Variants in KIFC1 observed in about 807,000 individuals in gnomAD.
The protein encoded by KIFC1 is kinesin-like protein KIFC1.
A neutral mutation model predicts 66.6 loss-of-function variants in KIFC1; 37 were observed. The observed-to-expected ratio is 0.56, with a 90% CI of 0.43 to 0.73. KIFC1 has a LOEUF of 0.73. Ranked by LOEUF, KIFC1 falls within the 30% of genes least tolerant of loss-of-function variation. The pLI is 0.00. For missense variants in KIFC1, 721 were observed against 859.8 expected (o/e 0.84, Z 2.02); for synonymous variants, 325 against 343.5 (o/e 0.95, Z 0.60).
Position 33,406,491 on chromosome 6 carries a change from GA to G in KIFC1, c.1827+7del. 3.1e-6 allele frequency: 5 copies of G among 1,601,790 alleles called. 1 individual carries two copies. In the South Asian group the frequency reaches 5.6e-5, roughly 18 times the overall value. The stretch of plus-strand genomic sequence containing the variant: ...ATCATGGCCCTGAGCAACAAGGTGG[GA>G]ATGGGAGTGGGGTGAGATACGGGAC... On this transcript the variant is annotated splice_donor_region_variant and intron_variant, in intron 8 of 10. Transcript: ENST00000428849. This position sits in a 1 kb window ranked among gnomAD's most constrained non-coding sequence, Gnocchi z 4.5.
rs2151092535 is a variant in KIFC1 at position 33,405,520 on chromosome 6, T to C, written c.1425T>C (p.Thr475=). The part of the protein sequence containing the change: ...YNETVRDLLA[T]GTRKGQGGEC... ...AGACTGTCCGGGACCTGCTGGCCACTGGAACCCGGAAGGGTCAAGGGGGCG... is the reference window on the plus strand; with the variant it reads ...AGACTGTCCGGGACCTGCTGGCCACCGGAACCCGGAAGGGTCAAGGGGGCG... Residue 475 remains threonine (T), a synonymous_variant, in exon 7 of 11, where the codon ACT becomes ACC. Coordinates refer to ENST00000428849, the MANE Select transcript of KIFC1 (RefSeq NM_002263.4). The surrounding 1 kb of genome is among the most constrained non-coding windows in gnomAD (Gnocchi z 5.4). 6.2e-7 allele frequency: 1 copy of C among 1,612,180 alleles called. No homozygotes were observed. The highest frequency in any genetic ancestry group is 2.2e-5 in the East Asian group (1 of 44,860).
Position 33,399,541 on chromosome 6 carries a change from C to G in KIFC1, c.250+1154C>G, listed in dbSNP as rs1775271830. 2.0e-5 allele frequency among the ~76,000 whole-genome samples: 3 copies of G among 152,194 alleles called. No homozygotes were observed. The South Asian group carries it at 6.2e-4, about 31-fold the overall frequency. ...ACTTACTGAAACCTAGATGATCTAG[C>G]CTGCTACACACCTAGGCTATCTGCG... On this transcript the variant is annotated intron_variant, in intron 3 of 10. Coordinates refer to ENST00000428849, the MANE Select transcript of KIFC1 (RefSeq NM_002263.4).
intron 10 of KIFC1, among the ~76,000 whole-genome samples, chr6:33,408,206 C>T (rs1174533950): frequency 6.6e-6 from 1 of 152,204 alleles, no homozygotes; most frequent in Non-Finnish European, 1.5e-5. Context: ...TTGTTCAAAT[C>T]AGGATCCAGG....
At position 33,391,939 on chromosome 6, in the gene KIFC1, G is replaced by T. The variant is rs465223; in HGVS notation, c.-47G>T. 183 of 1,612,446 alleles carry T rather than the reference G, an allele frequency of 1.1e-4. No individual in the cohort carries two copies. Among genetic ancestry groups the T allele is most frequent in the Non-Finnish European group, 1.5e-4 (181 of 1,179,080 alleles). On this transcript the variant is annotated 5_prime_UTR_variant, in exon 1 of 11. Transcript: ENST00000428849. ...CGAGTCCCAGGATCCCCGGCACCCA[G>T]TTCTCTTCCACTGCATTCCCCCGGC...
At chr6:33,398,004 T>C (rs1451938883) in intron 1 of KIFC1, 25 bp from the exon 2 acceptor site, 1 of 1,613,338 alleles carries the variant, frequency 6.2e-7, no homozygotes, top group Admixed American at 1.7e-5. Flanking sequence ...CTGGGTATTG[T>C]CTTAAGGGTC....
chr6:33,403,340 C>G lies in KIFC1; in HGVS notation c.277C>G (p.Pro93Ala), dbSNP rs372839052. ...TAQKVSKKTG[P>A]RCSTAIATGL... ...TCAAAAAGTTTCCAAGAAGACAGGA[C>G]CCCGGTGTTCCACAGCTATTGCCAC... Residue 93 changes from proline (P) to alanine (A), a missense_variant, in exon 4 of 11, where the codon CCC becomes GCC. Coordinates refer to ENST00000428849, the MANE Select transcript of KIFC1 (RefSeq NM_002263.4). This position sits in a 1 kb window ranked among gnomAD's most constrained non-coding sequence, Gnocchi z 4.6. The G allele has an allele frequency of 5.0e-6, 8 of 1,613,710 alleles. No individual in the cohort carries two copies. The African/African-American group carries it at 1.1e-4, about 22-fold the overall frequency.
In KIFC1 at chr6:33,398,037, C is replaced by A. The variant is rs1358338474; in HGVS notation, c.21C>A (p.Pro7=). 5.6e-6 allele frequency: 9 copies of A among 1,613,992 alleles called. No individual in the cohort carries two copies. The highest frequency in any genetic ancestry group is 3.3e-5 in the South Asian group (3 of 91,078). ...GTCTCTTTTCCCAACAGAGGTCCCC[C>A]CTATTGGAAGTAAAGGGGAACATAG... MDPQRS[P]LLEVKGNIEL... Residue 7 remains proline, a synonymous_variant, in exon 2 of 11, where the codon CCC becomes CCA. Transcript: ENST00000428849.
In KIFC1 at chr6:33,403,862, G is replaced by A; in HGVS notation, c.489G>A (p.Glu163=). ...AGAGGACTCAAACGTTGGACCAAGA[G>A]AACCAGCAGCTTCAGGACCAGCTCA... ...CRERTQTLDQ[E]NQQLQDQLRD... The change falls in exon 6 of 11, where the codon GAG becomes GAA. Residue 163 remains glutamate (E), a synonymous_variant. Transcript: ENST00000428849. The surrounding 1 kb of genome is among the most constrained non-coding windows in gnomAD (Gnocchi z 4.6). 1 of 1,614,254 alleles carries A rather than the reference G, an allele frequency of 6.2e-7. No homozygotes were observed.
At position 33,404,873 on chromosome 6, in the gene KIFC1, G is replaced by T; in HGVS notation, c.778G>T (p.Ala260Ser). Residue 260 changes from alanine (A) to serine (S), a missense_variant, in exon 7 of 11, where the codon GCA becomes TCA. By Grantham distance (99) the Ala-to-Ser change is moderately conservative. Coordinates refer to ENST00000428849, the MANE Select transcript of KIFC1 (RefSeq NM_002263.4). This position sits in a 1 kb window ranked among gnomAD's most constrained non-coding sequence, Gnocchi z 4.0. ...GCAGAGGAGGCTGCAGACATCAGAA[G>T]CAGCCCTGTCAAGCAGCCAAGCAGA... Reference protein sequence around the residue: ...EKERRLQTSEAALSSSQAEVA... With the variant: ...EKERRLQTSESALSSSQAEVA... The T allele has an allele frequency of 6.2e-7, 1 of 1,611,864 alleles. No homozygotes were observed. Among genetic ancestry groups the T allele is most frequent in the Non-Finnish European group, 8.5e-7 (1 of 1,178,650 alleles).
chr6:33,399,202 A>G (rs548854576), intron 3 of KIFC1, among the ~76,000 whole-genome samples: 6 of 152,294 alleles, frequency 3.9e-5, no homozygotes, highest in African/African-American at 7.2e-5. Flanking sequence ...AGCCTGGCCA[A>G]TATGGTTGAA....
Position 33,406,334 on chromosome 6 carries a change from G to A in KIFC1, c.1675G>A (p.Ala559Thr). ...EHSSRGLQCG[A>T]PLSLVDLAGS... is the part of the protein sequence containing the mutation. The stretch of plus-strand genomic sequence containing the variant: ...CTCCAGCCGAGGCCTGCAGTGTGGG[G>A]CCCCCCTCAGTCTTGTGGACCTGGC... The change falls in exon 8 of 11, where the codon GCC becomes ACC. Residue 559 changes from alanine (A) to threonine (T), a missense_variant. Transcript: ENST00000428849. The surrounding 1 kb of genome is among the most constrained non-coding windows in gnomAD (Gnocchi z 4.5). The A allele has an allele frequency of 6.2e-7, 1 of 1,614,226 alleles. No homozygotes were observed. The highest frequency in any genetic ancestry group is 8.5e-7 in the Non-Finnish European group (1 of 1,180,044).
At position 33,409,547 on chromosome 6, in the gene KIFC1, T is replaced by G. The variant is rs1013897497; in HGVS notation, c.1978-99T>G. 6.5e-6 allele frequency: 8 copies of G among 1,231,896 alleles called. No individual in the cohort carries two copies. In the African/African-American group the frequency reaches 1.0e-4, roughly 16 times the overall value. The allele number at this position is 1,231,896 out of a possible 1,614,324, so 76.3% of individuals were successfully genotyped here. ...CCTTTGGAGGCCTTATTTCGGTATT[T>G]CTGAGGGCAGCCCTAGCATTGGAGG... is the stretch of plus-strand genomic sequence containing the variant. On this transcript the variant is annotated intron_variant, in intron 10 of 10. Transcript: ENST00000428849.
intron 10 of KIFC1, chr6:33,407,157 C>G: frequency 9.5e-7 from 1 of 1,057,166 alleles, no homozygotes; most frequent in Non-Finnish European, 1.3e-6. Context: ...GCCTATAATC[C>G]GAACACTTCG....
rs1157782252 is a variant in KIFC1 at position 33,403,121 on chromosome 6, T to C, written c.251-193T>C. On this transcript the variant is annotated intron_variant, in intron 3 of 10. Transcript: ENST00000428849. The surrounding 1 kb of genome is among the most constrained non-coding windows in gnomAD (Gnocchi z 4.6). ...GGTGCTGGAATCAACCCCTTTTGGA[T>C]ACTGAGGGATGACTGTAATTTCTGG... is the stretch of plus-strand genomic sequence containing the variant. Among the ~76,000 whole-genome samples, 1 of 152,128 alleles carries C rather than the reference T, an allele frequency of 6.6e-6. No individual in the cohort carries two copies. The highest frequency in any genetic ancestry group is 2.4e-5 in the African/African-American group (1 of 41,418).
intron 3 of KIFC1, among the ~76,000 whole-genome samples, 197 bp downstream of exon 3, chr6:33,398,584 C>T (rs1268511769): frequency 1.3e-5 from 2 of 152,188 alleles, no homozygotes; most frequent in African/African-American, 4.8e-5. Flanking sequence ...CTACCTCAGC[C>T]TCCCGAGTAG....
intron 1 of KIFC1, among the ~76,000 whole-genome samples, chr6:33,394,610 T>G (rs1416880568): frequency 6.6e-6 from 1 of 152,108 alleles, no homozygotes; most frequent in Non-Finnish European, 1.5e-5. Flanking sequence ...ATCTCCCGAG[T>G]AGCTGGGATT....
chr6:33,393,841 G>A (rs1477868865), intron 1 of KIFC1, among the ~76,000 whole-genome samples: 1 of 149,666 alleles, frequency 6.7e-6, no homozygotes, highest in African/African-American at 2.4e-5. Flanking sequence ...CCGCCTCCCG[G>A]GTTCAGGCGA....
Position 33,406,332 on chromosome 6 carries a change from G to A in KIFC1, c.1673G>A (p.Gly558Glu). ...GEHSSRGLQCGAPLSLVDLAG... is the reference protein window; with the variant it reads ...GEHSSRGLQCEAPLSLVDLAG... ...CACTCCAGCCGAGGCCTGCAGTGTG[G>A]GGCCCCCCTCAGTCTTGTGGACCTG... The change falls in exon 8 of 11, where the codon GGG (glycine) becomes GAG (glutamate). Residue 558 changes from glycine to glutamate, a missense_variant. Physicochemically the swap from Gly to Glu is moderately conservative, Grantham distance 98 (BLOSUM62 -2). Coordinates refer to ENST00000428849, the MANE Select transcript of KIFC1 (RefSeq NM_002263.4). This position sits in a 1 kb window ranked among gnomAD's most constrained non-coding sequence, Gnocchi z 4.5. 6.2e-7 allele frequency: 1 copy of A among 1,614,238 alleles called. No homozygotes were observed. Among genetic ancestry groups the A allele is most frequent in the Non-Finnish European group, 8.5e-7 (1 of 1,180,038 alleles).
At chr6:33,408,187 A>G (rs531088043) in intron 10 of KIFC1, among the ~76,000 whole-genome samples, 68 of 152,362 alleles carry the variant, frequency 4.5e-4, no homozygotes, top group African/African-American at 1.6e-3. Context: ...TCTTTTATAC[A>G]TAATAGGTTT....
Sources: allele counts gnomAD v4.1 joint callset (sites outside exome capture counted in the v4.1 genomes callset), GRCh38; gene constraint gnomAD v4.1.1; non-coding constraint Gnocchi (gnomAD v3.1); transcripts MANE v1.5; gene names NCBI Gene and HGNC (gene_info 2026-07-23, HGNC 2026-07-21).